Variants in OPRM1 observed in about 807,000 individuals in gnomAD.
OPRM1 encodes the protein opioid receptor mu 1.
Under a neutral mutation model 31.8 loss-of-function variants are expected in OPRM1, and 27 were observed. That is an observed-to-expected ratio of 0.85 (90% CI 0.63 to 1.17). The LOEUF (loss-of-function observed/expected upper bound fraction) is 1.17, where lower values mean the gene tolerates loss of function less well. Ranked by LOEUF, OPRM1 falls within the 50% of genes most tolerant of loss-of-function variation. The probability of loss-of-function intolerance (pLI) is 0.00; values close to 1 mark genes in which losing one functional copy is unlikely to be tolerated. For synonymous variants in OPRM1, 196 were observed against 189.9 expected, an observed-to-expected ratio of 1.03 and a Z score of -0.26; for missense variants, 536 against 511.1, an observed-to-expected ratio of 1.05 and a Z score of -0.47.
intron 3 of OPRM1, chr6:154,107,545 C>A: frequency 1.4e-6 from 1 of 718,578 alleles, no homozygotes. Flanking sequence ...CTCCATTTCC[C>A]TTCCCAGGAA....
chr6:154,221,234 G>C (rs774616587), intron 3 of OPRM1: 1 of 1,594,034 alleles, frequency 6.3e-7, no homozygotes, highest in South Asian at 1.1e-5. Flanking sequence ...TAAGGATGGG[G>C]TTTACCAGTT....
intron 3 of OPRM1, among the ~76,000 whole-genome samples, chr6:154,109,220 C>T (rs1796043032): frequency 6.6e-6 from 1 of 152,194 alleles, no homozygotes; most frequent in Admixed American, 6.5e-5. Flanking sequence ...AAGGACAACA[C>T]AGTTTCTTCA....
At chr6:154,098,409 A>T (rs1793780274) in intron 3 of OPRM1, among the ~76,000 whole-genome samples, 1 of 152,184 alleles carries the variant, frequency 6.6e-6, no homozygotes, top group African/African-American at 2.4e-5. Flanking sequence ...TTTTACAGCC[A>T]TTTTTTGTAA....
At chr6:154,222,351 TA>T (rs775507273) in intron 3 of OPRM1, among the ~76,000 whole-genome samples, 16 of 152,228 alleles carry the variant, frequency 1.1e-4, no homozygotes, top group Non-Finnish European at 2.2e-4. Context: ...GACTTAAAGC[TA>T]ACACCAGTTT....
At chr6:154,089,239 A>T (rs1791395669) in intron 1 of OPRM1, among the ~76,000 whole-genome samples, 1 of 152,030 alleles carries the variant, frequency 6.6e-6, no homozygotes, top group Non-Finnish European at 1.5e-5. Flanking sequence ...TTTGACTGGA[A>T]TCTCCCTCTT....
chr6:154,062,870 A>G (rs931374560), intron 1 of OPRM1, among the ~76,000 whole-genome samples: 13 of 152,070 alleles, frequency 8.5e-5, no homozygotes, highest in Admixed American at 6.6e-5. Context: ...CAGTTTGGAC[A>G]AATCGAATTT....
chr6:154,225,408 G>A (rs1779172530), intron 3 of OPRM1, among the ~76,000 whole-genome samples: 1 of 152,180 alleles, frequency 6.6e-6, no homozygotes, highest in African/African-American at 2.4e-5. Flanking sequence ...ATATTATTCA[G>A]CCTTAAAAAA....
At chr6:154,192,355 T>A (rs1418373509) in intron 3 of OPRM1, among the ~76,000 whole-genome samples, 1 of 147,340 alleles carries the variant, frequency 6.8e-6, no homozygotes, top group Non-Finnish European at 1.5e-5. Context: ...TGTGTGTGTA[T>A]GCATGTGTGT....
chr6:154,015,308 G>A (rs151014411), intron 1 of OPRM1, among the ~76,000 whole-genome samples: 158 of 151,966 alleles, frequency 1.0e-3, no homozygotes, highest in African/African-American at 3.6e-3. Context: ...AGAGACTAAT[G>A]GCACAAAATT....
At chr6:154,099,333 G>A (rs62436468) in intron 3 of OPRM1, among the ~76,000 whole-genome samples, 1,946 of 98,566 alleles carry the variant, frequency 0.02, 55 homozygotes, top group African/African-American at 0.066. Flanking sequence ...GGAAGGAAGG[G>A]AGGGAGGAAG....
chr6:154,034,579 T>G (rs1035011541), upstream of OPRM1, among the ~76,000 whole-genome samples: 13 of 151,922 alleles, frequency 8.6e-5, no homozygotes, highest in African/African-American at 3.1e-4. Flanking sequence ...TAAAATATAA[T>G]GATAAAGAAA....
chr6:154,151,196 C>T (rs1798491073), intron 3 of OPRM1, among the ~76,000 whole-genome samples: 1 of 152,196 alleles, frequency 6.6e-6, no homozygotes, highest in South Asian at 2.1e-4. Context: ...CAGTACTAAC[C>T]GCCTTAGGCT....
chr6:154,018,014 C>T (rs1004703896), intron 1 of OPRM1, among the ~76,000 whole-genome samples: 1 of 152,164 alleles, frequency 6.6e-6, no homozygotes, highest in African/African-American at 2.4e-5. Flanking sequence ...GTATTTACAG[C>T]ACTCCCCAGG....
At chr6:154,146,515 A>G (rs1246101519) in intron 3 of OPRM1, among the ~76,000 whole-genome samples, 1 of 152,236 alleles carries the variant, frequency 6.6e-6, no homozygotes, top group Non-Finnish European at 1.5e-5. Flanking sequence ...AAGGTATATA[A>G]TGGAGTACTT....
chr6:154,113,249 A>G (rs1161810608), intron 3 of OPRM1, among the ~76,000 whole-genome samples: 1 of 152,194 alleles, frequency 6.6e-6, no homozygotes, highest in Non-Finnish European at 1.5e-5. Context: ...GTGGACTCTG[A>G]TGCTGGGGAA....
intron 1 of OPRM1, among the ~76,000 whole-genome samples, chr6:154,083,170 C>T (rs1050884913): frequency 4.6e-5 from 7 of 152,154 alleles, no homozygotes; most frequent in African/African-American, 1.7e-4. Context: ...CTTTCCTATA[C>T]CCAGAGGAGT....
chr6:154,111,973 G>A lies in OPRM1; in HGVS notation c.1165-6710G>A, dbSNP rs533942873. Among the ~76,000 whole-genome samples, 17 of 152,210 alleles carry A rather than the reference G, an allele frequency of 1.1e-4. 1 individual carries two copies. In the South Asian group the frequency reaches 2.7e-3, roughly 24 times the overall value. ...GTAGAAACGGGGTTTCACTGTGTTA[G>A]CCAGGATGGTCTCGATCTCCTGACC... On this transcript the variant is annotated intron_variant, in intron 3 of 3. Transcript: ENST00000330432.
chr6:154,194,931 G>C (rs1776463739), intron 3 of OPRM1, among the ~76,000 whole-genome samples: 1 of 151,926 alleles, frequency 6.6e-6, no homozygotes. Context: ...AGATTACTAG[G>C]TAATGTTCTA....
At chr6:154,205,827 CCTTT>C (rs1421689123) in intron 3 of OPRM1, among the ~76,000 whole-genome samples, 1 of 152,062 alleles carries the variant, frequency 6.6e-6, no homozygotes, top group Non-Finnish European at 1.5e-5. Context: ...ATTATTCCTT[CCTTT>C]CTAACACATC....
Sources: allele counts gnomAD v4.1 joint callset (sites outside exome capture counted in the v4.1 genomes callset), GRCh38; gene constraint gnomAD v4.1.1; transcripts MANE v1.5; gene names NCBI Gene and HGNC (gene_info 2026-07-23, HGNC 2026-07-21).